Variants in RERE observed in about 807,000 individuals in gnomAD.
The protein encoded by RERE is arginine-glutamic acid dipeptide repeats, also known as arginine-glutamic acid dipeptide repeats protein.
A neutral mutation model predicts 146.1 loss-of-function variants in RERE; 40 were observed. The ratio of observed to expected loss-of-function variants is 0.27; its 90% confidence interval spans 0.21 to 0.36. RERE has a LOEUF of 0.36. Among genes scored for constraint, RERE ranks in the 10% least tolerant of loss-of-function variants. The probability of loss-of-function intolerance (pLI) is 1.00; values close to 1 mark genes in which losing one functional copy is unlikely to be tolerated. For synonymous variants in RERE, 1,003 were observed against 866.0 expected, an observed-to-expected ratio of 1.16 and a Z score of -2.78; for missense variants, 1,933 against 2,138.7, an observed-to-expected ratio of 0.90 and a Z score of 1.90.
chr1:8,504,441 C>T (rs1016157982), intron 8 of RERE, among the ~76,000 whole-genome samples: 2 of 152,110 alleles, frequency 1.3e-5, no homozygotes, highest in Non-Finnish European at 2.9e-5. Context: ...AAAATAAAAT[C>T]CACTGGTAAC....
At chr1:8,523,910 A>G (rs1645538633) in intron 7 of RERE, among the ~76,000 whole-genome samples, 1 of 152,340 alleles carries the variant, frequency 6.6e-6, no homozygotes, top group Non-Finnish European at 1.5e-5. Context: ...AACTGTAAAG[A>G]AAGTTTCAGA....
At chr1:8,460,366 G>A (rs1489225354) in intron 11 of RERE, among the ~76,000 whole-genome samples, 2 of 152,140 alleles carry the variant, frequency 1.3e-5, no homozygotes, top group African/African-American at 2.4e-5. Flanking sequence ...TTGACCGGCC[G>A]CACGGGTTCA....
rs979575207 is a variant in RERE, at chr1:8,360,774, C to T, written c.2733G>A (p.Gln911=). ...PASQSALQSQ[Q]PPREQPLPPA... is the part of the protein sequence containing the mutation. ...GTGGCAGGGGCTGCTCCCGTGGAGGCTGTTGGGACTGCAGCGCTGACTGAG... is the reference window on the plus strand; with the variant it reads ...GTGGCAGGGGCTGCTCCCGTGGAGGTTGTTGGGACTGCAGCGCTGACTGAG... Residue 911 remains glutamine (Q), a synonymous_variant, in exon 18 of 23, where the codon CAG becomes CAA. Transcript: ENST00000400908. 5 of 1,595,644 alleles carry T rather than the reference C, an allele frequency of 3.1e-6. No individual in the cohort carries two copies. The highest frequency in any genetic ancestry group is 1.3e-5 in the African/African-American group (1 of 74,634).
At chr1:8,530,638 A>AT (rs1645631674) in intron 7 of RERE, among the ~76,000 whole-genome samples, 1 of 148,054 alleles carries the variant, frequency 6.8e-6, no homozygotes, top group African/African-American at 2.5e-5. Flanking sequence ...TCATTTACTA[A>AT]TTGCCCCGCA....
At chr1:8,743,987 C>G (rs925424516) in intron 1 of RERE, among the ~76,000 whole-genome samples, 2 of 152,144 alleles carry the variant, frequency 1.3e-5, no homozygotes, top group Non-Finnish European at 2.9e-5. Context: ...CTGCTGCTTC[C>G]TCAGCACTTA....
chr1:8,521,420 T>C (rs1193406328), intron 7 of RERE, among the ~76,000 whole-genome samples: 1 of 152,126 alleles, frequency 6.6e-6, no homozygotes, highest in African/African-American at 2.4e-5. Flanking sequence ...GACAGGAAGA[T>C]AGTTTGAGGC....
At chr1:8,466,557 TAA>T (rs1180230186) in intron 10 of RERE, among the ~76,000 whole-genome samples, 1 of 152,146 alleles carries the variant, frequency 6.6e-6, no homozygotes, top group African/African-American at 2.4e-5. Context: ...CAAAGCAGCG[TAA>T]AGTCACACTA....
At chr1:8,598,925 A>C (rs1262304987) in intron 4 of RERE, among the ~76,000 whole-genome samples, 1 of 152,246 alleles carries the variant, frequency 6.6e-6, no homozygotes, top group Non-Finnish European at 1.5e-5. Context: ...ACTTCAAAAC[A>C]CTGAAGTAGA....
intron 7 of RERE, among the ~76,000 whole-genome samples, chr1:8,530,688 T>C (rs937821552): frequency 4.3e-5 from 6 of 139,536 alleles, no homozygotes; most frequent in Non-Finnish European, 6.2e-5. Context: ...TCTTTTTTTT[T>C]TTTTTTTTTT....
At chr1:8,720,631 G>A (rs1039428684) in intron 1 of RERE, among the ~76,000 whole-genome samples, 10 of 152,136 alleles carry the variant, frequency 6.6e-5, no homozygotes, top group African/African-American at 1.9e-4. Flanking sequence ...CGGACGAGTC[G>A]AGTCCAAGGT....
chr1:8,412,235 C>T (rs1570174907), intron 12 of RERE, among the ~76,000 whole-genome samples: 1 of 152,222 alleles, frequency 6.6e-6, no homozygotes, highest in South Asian at 2.1e-4. Flanking sequence ...GCTGCAAATA[C>T]ATAAGCGAAG....
intron 7 of RERE, among the ~76,000 whole-genome samples, chr1:8,539,544 T>C (rs952118942): frequency 2.0e-5 from 3 of 152,066 alleles, no homozygotes; most frequent in Non-Finnish European, 1.5e-5. Context: ...AAGCTGGGAT[T>C]AAAGGTGTGT....
chr1:8,640,462 ACT>A (rs1647162444), intron 2 of RERE, among the ~76,000 whole-genome samples: 1 of 152,104 alleles, frequency 6.6e-6, no homozygotes, highest in Admixed American at 6.5e-5. Context: ...TTACACTATC[ACT>A]CTGTACATAA....
At chr1:8,486,003 T>C (rs1301050791) in intron 10 of RERE, among the ~76,000 whole-genome samples, 7 of 152,154 alleles carry the variant, frequency 4.6e-5, no homozygotes, top group Non-Finnish European at 8.8e-5. Flanking sequence ...TTTCACCACA[T>C]TGGCCAGGAT....
At chr1:8,550,546 G>A (rs543560050) in intron 6 of RERE, among the ~76,000 whole-genome samples, 1 of 151,848 alleles carries the variant, frequency 6.6e-6, no homozygotes, top group Non-Finnish European at 1.5e-5. Context: ...TGTTGTTGTT[G>A]TTGTTTTTTG....
Position 8,364,858 on chromosome 1 carries a change from AGTGGGG to A in RERE, c.1448-26_1448-21del. On this transcript the variant is annotated intron_variant, in intron 13 of 22. Coordinates refer to ENST00000400908, the MANE Select transcript of RERE (RefSeq NM_001042681.2). The surrounding 1 kb of genome is among the most constrained non-coding windows in gnomAD (Gnocchi z 5.1). ...GGTCCACTGGGCGTGGCAGGCACATAGTGGGGGTGGGGGAGACACCATCATGCTCAG... is the reference window on the plus strand; with the variant it reads ...GGTCCACTGGGCGTGGCAGGCACATAGTGGGGGAGACACCATCATGCTCAG... The A allele has an allele frequency of 8.4e-7, 1 of 1,188,054 alleles. No homozygotes were observed. Among genetic ancestry groups the A allele is most frequent in the Non-Finnish European group, 1.1e-6 (1 of 922,170 alleles). The allele number at this position is 1,188,054 out of a possible 1,614,324, so 73.6% of individuals were successfully genotyped here.
chr1:8,575,555 A>ATTT (rs1557693784), intron 4 of RERE, among the ~76,000 whole-genome samples: 4 of 62,740 alleles, frequency 6.4e-5, no homozygotes, highest in African/African-American at 2.8e-4. Flanking sequence ...ATATATATAT[A>ATTT]TATATATTTT....
intron 1 of RERE, among the ~76,000 whole-genome samples, chr1:8,778,738 A>C (rs1394146031): frequency 6.6e-6 from 1 of 152,010 alleles, no homozygotes; most frequent in African/African-American, 2.4e-5. Flanking sequence ...CGGGAGGCTG[A>C]GGAGGGAGGA....
chr1:8,622,390 G>C (rs1249301996), intron 3 of RERE, among the ~76,000 whole-genome samples: 1 of 150,602 alleles, frequency 6.6e-6, no homozygotes, highest in African/African-American at 2.4e-5. Context: ...AAAAGACAAT[G>C]GGCAGGAAAA....
Sources: allele counts gnomAD v4.1 joint callset (sites outside exome capture counted in the v4.1 genomes callset), GRCh38; gene constraint gnomAD v4.1.1; non-coding constraint Gnocchi (gnomAD v3.1); transcripts MANE v1.5; gene names NCBI Gene and HGNC (gene_info 2026-07-23, HGNC 2026-07-21).